INPP5F: variants seen among roughly 807,000 people sequenced by gnomAD.
INPP5F encodes the protein phosphatidylinositide 4-phosphatase SAC2.
Under a neutral mutation model 137.2 loss-of-function variants are expected in INPP5F, and 97 were observed. The observed-to-expected ratio is 0.71, with a 90% CI of 0.60 to 0.84. The LOEUF (loss-of-function observed/expected upper bound fraction) is 0.84. INPP5F is among the 40% of genes least tolerant of loss of function. The pLI, the probability that INPP5F is intolerant of heterozygous loss-of-function variation, is 0.00. For missense variants in INPP5F, 1,271 were observed against 1,371.9 expected, an observed-to-expected ratio of 0.93 and a Z score of 1.16; for synonymous variants, 504 against 476.9, an observed-to-expected ratio of 1.06 and a Z score of -0.74.
intron 2 of INPP5F, among the ~76,000 whole-genome samples, chr10:119,775,208 A>G (rs963050025): frequency 3.3e-5 from 5 of 152,166 alleles, no homozygotes; most frequent in African/African-American, 7.2e-5. Context: ...TAGAATCTAA[A>G]ATTTTTTTTG....
chr10:119,750,651 A>G (rs1464446297), intron 1 of INPP5F, among the ~76,000 whole-genome samples: 4 of 152,232 alleles, frequency 2.6e-5, no homozygotes, highest in Non-Finnish European at 5.9e-5. Flanking sequence ...TGGTATAAGC[A>G]TCTTCGGGAA....
intron 3 of INPP5F, among the ~76,000 whole-genome samples, chr10:119,781,999 T>A (rs1196953948): frequency 6.6e-6 from 1 of 152,192 alleles, no homozygotes; most frequent in African/African-American, 2.4e-5. Context: ...GCAGTAGTGT[T>A]GGGGGAATCC....
chr10:119,741,620 C>T (rs138141293), intron 1 of INPP5F, among the ~76,000 whole-genome samples: 142 of 152,110 alleles, frequency 9.3e-4, no homozygotes, highest in African/African-American at 2.8e-3. Flanking sequence ...TTGCAACCTA[C>T]GCCTCCTGGG....
intron 1 of INPP5F, among the ~76,000 whole-genome samples, chr10:119,746,766 G>T (rs1201261364): frequency 6.6e-6 from 1 of 151,768 alleles, no homozygotes; most frequent in Non-Finnish European, 1.5e-5. Flanking sequence ...AAGATGACAT[G>T]ACATATAAGC....
intron 2 of INPP5F, among the ~76,000 whole-genome samples, chr10:119,762,841 C>T (rs966019465): frequency 3.9e-5 from 6 of 152,100 alleles, no homozygotes; most frequent in African/African-American, 1.4e-4. Context: ...GCCCTGTCCC[C>T]CTAAATGTAT....
Position 119,822,418 on chromosome 10 carries a change from TC to T in INPP5F, c.1959-11del, listed in dbSNP as rs773205175. On this transcript the variant is annotated splice_polypyrimidine_tract_variant and intron_variant, in intron 16 of 19. Coordinates refer to ENST00000650623, the MANE Select transcript of INPP5F (RefSeq NM_014937.4). The stretch of plus-strand genomic sequence containing the variant: ...ATTTAAATCCTCTTTTAACTTCATT[TC>T]CTTTTATCTAGTTATGATGATGAAG... 7.2e-7 allele frequency: 1 copy of T among 1,388,872 alleles called. No individual in the cohort carries two copies. Among genetic ancestry groups the T allele is most frequent in the Non-Finnish European group, 1.0e-6 (1 of 1,004,904 alleles). The allele number at this position is 1,388,872 out of a possible 1,614,324, so 86.0% of individuals were successfully genotyped here. A position where few individuals can be genotyped will look rare whatever the true frequency, so the allele number is the denominator to read the frequency against.
intron 15 of INPP5F, among the ~76,000 whole-genome samples, chr10:119,813,274 G>A (rs1374872735): frequency 1.3e-5 from 2 of 152,038 alleles, no homozygotes; most frequent in African/African-American, 4.8e-5. Context: ...ACAAAGTCTG[G>A]GTAAGGATGC....
At position 119,827,583 on chromosome 10, in the gene INPP5F, GTC is replaced by G; in HGVS notation, c.3207_3208del (p.Pro1070LeufsTer13). 25 of 1,614,160 alleles carry G rather than the reference GTC, an allele frequency of 1.5e-5. No homozygotes were observed. The highest frequency in any genetic ancestry group is 2.1e-5 in the Non-Finnish European group (25 of 1,180,022). ...TTCAGAGAGCAGTAGCAGCAGAGCA[GTC>G]TCTCCCTTTGCCAAGATTCGAAGTT... Reference protein sequence around the residue: ...SPSESSSSRAVSPFAKIRSSM... With the variant: ...SPSESSSSRAXSPFAKIRSSM... On this transcript the variant is annotated frameshift_variant, in exon 20 of 20. Transcript: ENST00000650623. LOFTEE classifies it high-confidence loss of function.
intron 2 of INPP5F, among the ~76,000 whole-genome samples, chr10:119,767,107 GAAAA>G (rs35875262): frequency 3.5e-4 from 14 of 40,542 alleles, no homozygotes; most frequent in South Asian, 1.3e-3. Flanking sequence ...TCTGTCTCCA[GAAAA>G]AAAAAAAAAA....
At position 119,784,703 on chromosome 10, in the gene INPP5F, A is replaced by G. The variant is rs962740630; in HGVS notation, c.315+2932A>G. On this transcript the variant is annotated intron_variant, in intron 3 of 19. Transcript: ENST00000650623. ...GCCAGTTAAAAAAAATTCACATACCATAATTCAAATACCTTACAGTTCACC... is the reference window on the plus strand; with the variant it reads ...GCCAGTTAAAAAAAATTCACATACCGTAATTCAAATACCTTACAGTTCACC... Among the ~76,000 whole-genome samples, 4 of 152,252 alleles carry G rather than the reference A, an allele frequency of 2.6e-5. No homozygotes were observed. In the East Asian group the frequency reaches 5.8e-4, roughly 22 times the overall value.
chr10:119,821,681 C>T (rs568760447), intron 16 of INPP5F, among the ~76,000 whole-genome samples: 1 of 151,814 alleles, frequency 6.6e-6, no homozygotes, highest in African/African-American at 2.4e-5. Context: ...TAGTTTGTTT[C>T]TCTTTCTGTC....
At chr10:119,747,204 C>G (rs975602081) in intron 1 of INPP5F, among the ~76,000 whole-genome samples, 2 of 152,058 alleles carry the variant, frequency 1.3e-5, no homozygotes, top group African/African-American at 2.4e-5. Context: ...TAGATAAATT[C>G]TAAATTTTTA....
intron 1 of INPP5F, among the ~76,000 whole-genome samples, chr10:119,745,475 A>G (rs910449087): frequency 1.3e-5 from 2 of 151,530 alleles, no homozygotes; most frequent in Admixed American, 6.6e-5. Flanking sequence ...ATACTATTTC[A>G]TGAAACTTTT....
intron 1 of INPP5F, among the ~76,000 whole-genome samples, chr10:119,732,172 A>T (rs1227889355): frequency 6.6e-6 from 1 of 151,530 alleles, no homozygotes; most frequent in Non-Finnish European, 1.5e-5. Context: ...AGTAGCTGGG[A>T]CTACAGGCGC....
chr10:119,732,121 G>A (rs1393151136), intron 1 of INPP5F, among the ~76,000 whole-genome samples: 3 of 145,470 alleles, frequency 2.1e-5, no homozygotes, highest in South Asian at 4.8e-4. Flanking sequence ...CTGCAACCTC[G>A]GCCTCCAGGG....
chr10:119,764,207 C>T (rs1849086714), intron 2 of INPP5F, among the ~76,000 whole-genome samples: 2 of 152,196 alleles, frequency 1.3e-5, no homozygotes, highest in Non-Finnish European at 2.9e-5. Flanking sequence ...TACCCATTAC[C>T]TGGTTCCAAA....
intron 6 of INPP5F, among the ~76,000 whole-genome samples, chr10:119,796,016 G>A (rs973329385): frequency 6.8e-6 from 1 of 147,238 alleles, no homozygotes; most frequent in African/African-American, 2.5e-5. Flanking sequence ...GCAGTGAGCC[G>A]AGATGGCAGC....
intron 1 of INPP5F, among the ~76,000 whole-genome samples, chr10:119,729,716 T>G (rs2134096283): frequency 6.6e-6 from 1 of 151,576 alleles, no homozygotes; most frequent in Admixed American, 6.6e-5. Flanking sequence ...TAGCTGGGAC[T>G]ACATGTGTGT....
chr10:119,784,667 C>T (rs538271505), intron 3 of INPP5F, among the ~76,000 whole-genome samples: 2 of 152,258 alleles, frequency 1.3e-5, no homozygotes, highest in South Asian at 2.1e-4. Flanking sequence ...AAATATATGC[C>T]TTATTTGTTT....
Sources: gnomAD v4.1 joint callset for allele counts (sites outside exome capture counted in the v4.1 genomes callset) on GRCh38, gnomAD v4.1.1 for gene constraint, MANE v1.5 for transcripts, NCBI Gene and HGNC (gene_info 2026-07-23, HGNC 2026-07-21) for gene names.